Variants in ANTXR1 observed in about 807,000 individuals in gnomAD.
ANTXR1 encodes ANTXR cell adhesion molecule 1.
ANTXR1 carries 19 observed loss-of-function variants against 78.1 expected under a neutral mutation model. That is an observed-to-expected ratio of 0.24 (90% CI 0.17 to 0.36). ANTXR1 has a LOEUF of 0.36. ANTXR1 is among the 10% of genes least tolerant of loss of function. ANTXR1 has a pLI of 1.00. For missense variants in ANTXR1, 518 were observed against 718.6 expected (o/e 0.72, Z 3.19); for synonymous variants, 273 against 260.5 (o/e 1.05, Z -0.46).
chr2:69,175,434 G>C (rs534715230), intron 14 of ANTXR1, among the ~76,000 whole-genome samples: 1 of 143,704 alleles, frequency 7.0e-6, no homozygotes, highest in Admixed American at 6.7e-5. Flanking sequence ...TAGGGAGACC[G>C]CCCCCCGCCC....
intron 7 of ANTXR1, among the ~76,000 whole-genome samples, chr2:69,076,870 C>T (rs1301350801): frequency 6.6e-6 from 1 of 152,242 alleles, no homozygotes; most frequent in African/African-American, 2.4e-5. Context: ...CCTACATCGG[C>T]TTCTCCTGGC....
chr2:69,059,015 CATG>C (rs1484673332), intron 3 of ANTXR1, among the ~76,000 whole-genome samples: 1 of 152,190 alleles, frequency 6.6e-6, no homozygotes, highest in Non-Finnish European at 1.5e-5. Flanking sequence ...GTTGCAATCT[CATG>C]ATAAAACTTG....
chr2:69,035,723 G>A (rs989333598), intron 1 of ANTXR1, among the ~76,000 whole-genome samples: 1 of 152,202 alleles, frequency 6.6e-6, no homozygotes, highest in East Asian at 1.9e-4. Flanking sequence ...CAGCGACAGG[G>A]CAGCTGTTAG....
chr2:69,071,683 A>G (rs1670570397), intron 4 of ANTXR1, 71 bp from the exon 5 acceptor site: 4 of 1,471,488 alleles, frequency 2.7e-6, no homozygotes, highest in Admixed American at 1.7e-5. Flanking sequence ...AACAGAGCCC[A>G]TTATCCACTA....
At chr2:69,236,896 G>C (rs1675777868) in intron 17 of ANTXR1, among the ~76,000 whole-genome samples, 1 of 152,148 alleles carries the variant, frequency 6.6e-6, no homozygotes, top group Admixed American at 6.5e-5. Flanking sequence ...ATCCACCACT[G>C]GGTGTGTGTC....
chr2:69,192,025 ATGT>A (rs1263615608), intron 16 of ANTXR1, among the ~76,000 whole-genome samples: 1 of 152,192 alleles, frequency 6.6e-6, no homozygotes, highest in Non-Finnish European at 1.5e-5. Context: ...TGAGCACCAG[ATGT>A]TGTCCTAAGG....
chr2:69,147,866 G>A (rs59930423), intron 12 of ANTXR1, among the ~76,000 whole-genome samples: 12,694 of 152,144 alleles, frequency 0.083, 803 homozygotes, highest in East Asian at 0.32. Context: ...CTGTTTTACC[G>A]AGGCTCACTG....
chr2:69,044,922 G>A, intron 3 of ANTXR1, 109 bp downstream of exon 3: 1 of 1,117,552 alleles, frequency 8.9e-7, no homozygotes, highest in Non-Finnish European at 1.4e-6. Context: ...TAATCTAATA[G>A]TTCCTTCTTT....
At chr2:69,177,909 C>G (rs931197498) in intron 14 of ANTXR1, among the ~76,000 whole-genome samples, 24 of 152,182 alleles carry the variant, frequency 1.6e-4, no homozygotes, top group African/African-American at 5.6e-4. Flanking sequence ...CCCCACAAGC[C>G]CCTGATTTCT....
intron 12 of ANTXR1, among the ~76,000 whole-genome samples, chr2:69,131,216 T>A (rs1045463624): frequency 6.6e-6 from 1 of 152,162 alleles, no homozygotes; most frequent in African/African-American, 2.4e-5. Flanking sequence ...CCTAAAAAAA[T>A]AATTTTAGCT....
intron 7 of ANTXR1, among the ~76,000 whole-genome samples, chr2:69,076,260 A>G (rs567874425): frequency 2.0e-5 from 3 of 152,318 alleles, no homozygotes; most frequent in South Asian, 4.2e-4. Context: ...TATAGGCATG[A>G]GCCACCACAC....
At chr2:69,145,200 AC>A (rs1310627242) in intron 12 of ANTXR1, 2 of 916,410 alleles carry the variant, frequency 2.2e-6, no homozygotes, top group Admixed American at 2.1e-5. Flanking sequence ...AGGCAGAGTT[AC>A]GGGGGGCTGA....
At chr2:69,123,706 A>G (rs1573907196) in intron 11 of ANTXR1, among the ~76,000 whole-genome samples, 1 of 152,338 alleles carries the variant, frequency 6.6e-6, no homozygotes, top group East Asian at 1.9e-4. Flanking sequence ...CAATTATAAT[A>G]AGCACTAGTG....
At chr2:69,022,912 C>A (rs1422111262) in intron 1 of ANTXR1, among the ~76,000 whole-genome samples, 1 of 152,214 alleles carries the variant, frequency 6.6e-6, no homozygotes, top group Non-Finnish European at 1.5e-5. Flanking sequence ...ATGTTTTGCC[C>A]TTCAGTGTTG....
Position 69,105,289 on chromosome 2 carries a change from TGGAGGTTGTTG to T in ANTXR1, c.802+2352_802+2362del, listed in dbSNP as rs142569705. 1.2e-4 allele frequency among the ~76,000 whole-genome samples: 19 copies of T among 152,350 alleles called. No homozygotes were observed. The East Asian group carries it at 3.7e-3, about 29-fold the overall frequency. ...CACCTCATTCATATTCAAAAAGAAATGGAGGTTGTTGGGGTAGGGATTTGGCTTAAATCACA... is the reference window on the plus strand; with the variant it reads ...CACCTCATTCATATTCAAAAAGAAATGGGTAGGGATTTGGCTTAAATCACA... On this transcript the variant is annotated intron_variant, in intron 10 of 17. Coordinates refer to ENST00000303714, the MANE Select transcript of ANTXR1 (RefSeq NM_032208.3).
At chr2:69,018,340 C>A (rs536739957) in intron 1 of ANTXR1, among the ~76,000 whole-genome samples, 1 of 152,104 alleles carries the variant, frequency 6.6e-6, no homozygotes, top group Admixed American at 6.5e-5. Flanking sequence ...AGAGTTCCAA[C>A]CACAGCACCC....
chr2:69,224,165 CT>C (rs929391900), intron 17 of ANTXR1, among the ~76,000 whole-genome samples: 1 of 152,254 alleles, frequency 6.6e-6, no homozygotes, highest in Non-Finnish European at 1.5e-5. Context: ...CAAATAGGAT[CT>C]CCTCAGAAGC....
chr2:69,141,082 C>T (rs1291247665), intron 12 of ANTXR1, among the ~76,000 whole-genome samples: 1 of 152,180 alleles, frequency 6.6e-6, no homozygotes, highest in Non-Finnish European at 1.5e-5. Context: ...GGATGGCAAT[C>T]TTAAGGGCCT....
intron 11 of ANTXR1, 118 bp downstream of exon 11, chr2:69,123,204 T>C: frequency 9.4e-7 from 1 of 1,063,756 alleles, no homozygotes; most frequent in Non-Finnish European, 1.4e-6. Flanking sequence ...TTCCTCCAGC[T>C]TATGACGGAG....
Sources: gnomAD v4.1 joint callset for allele counts (sites outside exome capture counted in the v4.1 genomes callset) on GRCh38, gnomAD v4.1.1 for gene constraint, MANE v1.5 for transcripts, NCBI Gene and HGNC (gene_info 2026-07-23, HGNC 2026-07-21) for gene names.